Variants in CECR2 observed in about 807,000 individuals in gnomAD.
CECR2 encodes the protein chromatin remodeling regulator CECR2.
Under a neutral mutation model 154.5 loss-of-function variants are expected in CECR2, and 30 were observed. The observed-to-expected ratio is 0.19, with a 90% CI of 0.15 to 0.26. The LOEUF (loss-of-function observed/expected upper bound fraction) is 0.26, where lower values mean the gene tolerates loss of function less well. Ranked by LOEUF, CECR2 falls within the 10% of genes least tolerant of loss-of-function variation. CECR2 has a pLI of 1.00. For synonymous variants in CECR2, 725 were observed against 683.7 expected, an observed-to-expected ratio of 1.06 and a Z score of -0.94; for missense variants, 1,743 against 1,829.3, an observed-to-expected ratio of 0.95 and a Z score of 0.86.
intron 1 of CECR2, among the ~76,000 whole-genome samples, chr22:17,395,325 G>A (rs2053791486): frequency 6.6e-6 from 1 of 151,802 alleles, no homozygotes; most frequent in Admixed American, 6.6e-5. Flanking sequence ...TCCGCACCCG[G>A]CTCGAATAGA....
Position 17,549,457 on chromosome 22 carries a change from TC to T in CECR2, c.4171del (p.Arg1391AlafsTer13). 6.2e-7 allele frequency: 1 copy of T among 1,612,136 alleles called. No individual in the cohort carries two copies. The highest frequency in any genetic ancestry group is 8.5e-7 in the Non-Finnish European group (1 of 1,179,108). On this transcript the variant is annotated frameshift_variant, in exon 17 of 19. Coordinates refer to ENST00000262608, the MANE Select transcript of CECR2 (RefSeq NM_001290047.2). LOFTEE classifies it high-confidence loss of function. ...NGLSQEGPIY[R>X]CQEEGLGHFQ... ...GCCTCTCTCAGGAGGGTCCCATCTA[TC>T]GCTGCCAGGAAGAAGGCCTGGGTCA...
intron 1 of CECR2, among the ~76,000 whole-genome samples, chr22:17,395,612 C>T (rs1055259647): frequency 1.3e-4 from 20 of 152,144 alleles, no homozygotes; most frequent in Non-Finnish European, 2.9e-4. Context: ...TCCCAAAGTG[C>T]TGGGATTACA....
At chr22:17,466,704 C>T (rs1160699852) in intron 1 of CECR2, among the ~76,000 whole-genome samples, 2 of 151,720 alleles carry the variant, frequency 1.3e-5, no homozygotes, top group African/African-American at 4.8e-5. Flanking sequence ...AAGCAATTCT[C>T]CTGCCTCAGC....
chr22:17,476,934 C>T (rs562031237), intron 1 of CECR2, among the ~76,000 whole-genome samples: 2 of 152,154 alleles, frequency 1.3e-5, no homozygotes, highest in African/African-American at 4.8e-5. Context: ...GTTGGAATAC[C>T]GTGTCGAGGC....
chr22:17,505,408 TC>T, intron 7 of CECR2, among the ~76,000 whole-genome samples: 1 of 152,084 alleles, frequency 6.6e-6, no homozygotes. Flanking sequence ...TTTGCCTGGC[TC>T]TACCTGATTG....
intron 9 of CECR2, among the ~76,000 whole-genome samples, chr22:17,527,787 GCAAA>G: frequency 1.4e-5 from 2 of 139,154 alleles, no homozygotes; most frequent in Middle Eastern, 7.5e-3. Context: ...AAAAAAAAAA[GCAAA>G]CAAGCTTATG....
chr22:17,418,713 AT>A, intron 1 of CECR2: 1 of 519,800 alleles, frequency 1.9e-6, no homozygotes. Flanking sequence ...GAGGCGATGG[AT>A]TTGGGCAAAG....
At chr22:17,545,475 T>A (rs967535226) in intron 16 of CECR2, among the ~76,000 whole-genome samples, 2 of 151,944 alleles carry the variant, frequency 1.3e-5, no homozygotes, top group African/African-American at 2.4e-5. Flanking sequence ...TAATGCTTAT[T>A]TCTAGGATAA....
In CECR2 at chr22:17,552,147, G is replaced by C; in HGVS notation, c.4389+5G>C. On this transcript the variant is annotated splice_donor_5th_base_variant and intron_variant, in intron 18 of 18. Transcript: ENST00000262608. ...CCAACACTTCCCCTGGATCAGGTAAGGATCACTAAAAATTAGAGCTGTTCT... is the reference window on the plus strand; with the variant it reads ...CCAACACTTCCCCTGGATCAGGTAACGATCACTAAAAATTAGAGCTGTTCT... The C allele has an allele frequency of 6.2e-7, 1 of 1,612,170 alleles. No homozygotes were observed. Among genetic ancestry groups the C allele is most frequent in the South Asian group, 1.1e-5 (1 of 91,050 alleles).
chr22:17,375,558 G>T (rs1391415682), intron 1 of CECR2, among the ~76,000 whole-genome samples: 2 of 152,186 alleles, frequency 1.3e-5, no homozygotes, highest in Non-Finnish European at 2.9e-5. Flanking sequence ...CAAGTAGAGT[G>T]GGGTGGAGGC....
chr22:17,489,974 T>C (rs926782195), intron 2 of CECR2, among the ~76,000 whole-genome samples: 20 of 152,094 alleles, frequency 1.3e-4, no homozygotes, highest in African/African-American at 4.3e-4. Context: ...AAAAAACTTG[T>C]AAATTTCCTT....
At chr22:17,453,272 T>C (rs2054800136) in intron 1 of CECR2, among the ~76,000 whole-genome samples, 1 of 152,058 alleles carries the variant, frequency 6.6e-6, no homozygotes, top group African/African-American at 2.4e-5. Context: ...AGAAACCCCG[T>C]CTCTGCTAAA....
chr22:17,466,541 T>G (rs551836557), intron 1 of CECR2, among the ~76,000 whole-genome samples: 61 of 152,052 alleles, frequency 4.0e-4, no homozygotes, highest in African/African-American at 1.4e-3. Context: ...AGCCAAAGAA[T>G]GGAAACCTGG....
chr22:17,393,888 A>ATTTT (rs71200270), intron 1 of CECR2, among the ~76,000 whole-genome samples: 26 of 134,030 alleles, frequency 1.9e-4, no homozygotes, highest in African/African-American at 6.4e-4. Context: ...TTTTTTATTC[A>ATTTT]TTTTTTTTTT....
chr22:17,481,049 T>TAAAAAAAAAAA lies in CECR2; in HGVS notation c.221+3369_221+3379dup, dbSNP rs572712907. On this transcript the variant is annotated intron_variant, in intron 2 of 18. Transcript: ENST00000262608. ...AGTGAGACTCCATCTCTTTTTTTTT[T>TAAAAAAAAAAA]AAAAAAAAAAAAGGCCGGGCACGGT... 2.9e-4 allele frequency among the ~76,000 whole-genome samples: 27 copies of TAAAAAAAAAAA among 92,062 alleles called. 1 individual carries two copies. The highest frequency in any genetic ancestry group is 5.1e-4 in the African/African-American group (14 of 27,372). 60.4% of individuals were successfully genotyped at this position (92,062 alleles called of 152,430 possible).
Position 17,549,450 on chromosome 22 carries a change from C to G in CECR2, c.4163C>G (p.Pro1388Arg). 6.2e-7 allele frequency: 1 copy of G among 1,612,344 alleles called. No individual in the cohort carries two copies. Among genetic ancestry groups the G allele is most frequent in the Non-Finnish European group, 8.5e-7 (1 of 1,179,160 alleles). ...TQPNGLSQEG[P>R]IYRCQEEGLG... ...CCCAACGGCCTCTCTCAGGAGGGTC[C>G]CATCTATCGCTGCCAGGAAGAAGGC... Residue 1388 changes from proline (P) to arginine (R), a missense_variant, in exon 17 of 19, where the codon CCC becomes CGC. Pro to Arg is a moderately radical substitution (Grantham distance 103). This residue lies in a region of CECR2 where 1,250 missense variants were observed against 1,192.1 expected (regional missense o/e 1.05). Coordinates refer to ENST00000262608, the MANE Select transcript of CECR2 (RefSeq NM_001290047.2).
intron 1 of CECR2, among the ~76,000 whole-genome samples, chr22:17,387,786 C>T (rs554596210): frequency 6.6e-6 from 1 of 152,130 alleles, no homozygotes; most frequent in Non-Finnish European, 1.5e-5. Flanking sequence ...TAGAGGGACT[C>T]TCATTTAGCC....
intron 4 of CECR2, among the ~76,000 whole-genome samples, chr22:17,500,208 CAAAA>C (rs5844315): frequency 1.0e-4 from 12 of 115,970 alleles, no homozygotes; most frequent in East Asian, 2.8e-4. Flanking sequence ...GAGACTCCAT[CAAAA>C]AAAAAAAAAA....
At chr22:17,539,284 A>T (rs1222611558) in intron 13 of CECR2, 165 bp downstream of exon 13, 1 of 729,044 alleles carries the variant, frequency 1.4e-6, no homozygotes, top group East Asian at 3.1e-5. Flanking sequence ...AGTGTCTGCC[A>T]GGGATTCTCT....
Sources: allele counts gnomAD v4.1 joint callset (sites outside exome capture counted in the v4.1 genomes callset), GRCh38; gene constraint gnomAD v4.1.1; regional missense constraint gnomAD v4.1.1; transcripts MANE v1.5; gene names NCBI Gene and HGNC (gene_info 2026-07-23, HGNC 2026-07-21).